TRAFD1: variants seen among roughly 807,000 people sequenced by gnomAD.
TRAFD1 encodes the protein TRAF-type zinc finger domain-containing protein 1.
In TRAFD1, 38 loss-of-function variants were observed where a neutral mutation model predicts 65.3. That is an observed-to-expected ratio of 0.58 (90% CI 0.45 to 0.76). TRAFD1 has a LOEUF of 0.76. TRAFD1 is among the 30% of genes least tolerant of loss of function. The pLI is 0.00. For synonymous variants in TRAFD1, 223 were observed against 257.2 expected (o/e 0.87, Z 1.27); for missense variants, 631 against 712.6 (o/e 0.89, Z 1.30).
chr12:112,145,704 G>T (rs756412254), intron 7 of TRAFD1, 42 bp downstream of exon 7: 1 of 1,586,608 alleles, frequency 6.3e-7, no homozygotes, highest in South Asian at 1.1e-5. Flanking sequence ...AGGATTGTAT[G>T]CAGGCCATAA....
chr12:112,126,489 C>G (rs1456236618), intron 1 of TRAFD1, among the ~76,000 whole-genome samples: 4 of 152,122 alleles, frequency 2.6e-5, no homozygotes. Flanking sequence ...GACCTTGACC[C>G]CCAGAGGGGG....
At position 112,137,460 on chromosome 12, in the gene TRAFD1, C is replaced by T. The variant is rs563047416; in HGVS notation, c.237+2394C>T. ...TTCCCATTCAGTAGGGAGCATCCCT[C>T]AGCCTTGATCTTCATTTCTTGGCTG... On this transcript the variant is annotated intron_variant, in intron 4 of 11. Coordinates refer to ENST00000412615, the MANE Select transcript of TRAFD1 (RefSeq NM_006700.3). This position sits in a 1 kb window ranked among gnomAD's most constrained non-coding sequence, Gnocchi z 4.2. Among the ~76,000 whole-genome samples the T allele has an allele frequency of 2.0e-5, 3 of 152,244 alleles. No homozygotes were observed. The South Asian group carries it at 6.2e-4, about 32-fold the overall frequency.
At chr12:112,149,705 G>C (rs776087648) in intron 8 of TRAFD1, 46 bp from the exon 9 acceptor site, 1 of 1,610,562 alleles carries the variant, frequency 6.2e-7, no homozygotes, top group Non-Finnish European at 8.5e-7. Context: ...CTCTTTTCTG[G>C]GAATGACTCA....
chr12:112,128,248 C>T (rs1593861706), intron 1 of TRAFD1, among the ~76,000 whole-genome samples: 1 of 152,076 alleles, frequency 6.6e-6, no homozygotes, highest in South Asian at 2.1e-4. Context: ...TCAAGTGATC[C>T]GCCCACCTCA....
intron 4 of TRAFD1, among the ~76,000 whole-genome samples, chr12:112,139,795 T>A (rs921177240): frequency 3.3e-5 from 5 of 152,110 alleles, no homozygotes; most frequent in African/African-American, 9.7e-5. Flanking sequence ...GGATGGGAGT[T>A]TGAGACCAAC....
intron 2 of TRAFD1, 119 bp from the exon 3 acceptor site, chr12:112,134,619 A>T: frequency 8.3e-7 from 1 of 1,205,110 alleles, no homozygotes; most frequent in Non-Finnish European, 1.2e-6. Flanking sequence ...GGTATTCACT[A>T]AAGATAAATA....
intron 4 of TRAFD1, among the ~76,000 whole-genome samples, chr12:112,135,734 A>G (rs1251815001): frequency 6.6e-6 from 1 of 152,052 alleles, no homozygotes; most frequent in African/African-American, 2.4e-5. Flanking sequence ...ACACCTGGAT[A>G]ACATGCTATT....
intron 8 of TRAFD1, 134 bp from the exon 9 acceptor site, chr12:112,149,617 G>A (rs2030346006): frequency 6.4e-6 from 8 of 1,243,374 alleles, no homozygotes; most frequent in Non-Finnish European, 8.9e-6. Context: ...TGTGGTTTCT[G>A]AAAGTTCCCA....
chr12:112,150,578 T>A (rs1294359230), intron 9 of TRAFD1, among the ~76,000 whole-genome samples: 2 of 151,822 alleles, frequency 1.3e-5, no homozygotes, highest in Non-Finnish European at 1.5e-5. Context: ...TTATTTTTTT[T>A]AGACAGGGTC....
chr12:112,153,024 C>T lies in TRAFD1; in HGVS notation c.*233C>T. 1 of 487,132 alleles carries T rather than the reference C, an allele frequency of 2.1e-6. No homozygotes were observed. Among genetic ancestry groups the T allele is most frequent in the Non-Finnish European group, 3.6e-6 (1 of 275,418 alleles). The allele number at this position is 487,132 out of a possible 1,614,324, so 30.2% of individuals were successfully genotyped here. ...TTCAGCCTTAGCTGCTACCTTTCGGCAGCAGTGAAATACAAGCTGCAGCCT... is the reference window on the plus strand; with the variant it reads ...TTCAGCCTTAGCTGCTACCTTTCGGTAGCAGTGAAATACAAGCTGCAGCCT... On this transcript the variant is annotated 3_prime_UTR_variant, in exon 12 of 12. Coordinates refer to ENST00000412615, the MANE Select transcript of TRAFD1 (RefSeq NM_006700.3).
In TRAFD1 at chr12:112,152,248, G is replaced by C; in HGVS notation, c.1619+108G>C. The C allele has an allele frequency of 7.1e-7, 1 of 1,415,158 alleles. No homozygotes were observed. The highest frequency in any genetic ancestry group is 9.6e-7 in the Non-Finnish European group (1 of 1,040,584). The allele number at this position is 1,415,158 out of a possible 1,614,324, so 87.7% of individuals were successfully genotyped here. A position where few individuals can be genotyped will look rare whatever the true frequency, so the allele number is the denominator to read the frequency against. ...GGGGTAAGACTGAGGTACTTGCATG[G>C]TAAGGGGAGGAGTATGGATTTTCCC... On this transcript the variant is annotated intron_variant, in intron 10 of 11. Transcript: ENST00000412615. This position sits in a 1 kb window ranked among gnomAD's most constrained non-coding sequence, Gnocchi z 5.0.
Position 112,152,452 on chromosome 12 carries a change from T to A in TRAFD1, c.1645T>A (p.Ser549Thr). Residue 549 changes from serine (S) to threonine (T), a missense_variant, in exon 11 of 12, where the codon TCC becomes ACC. Physicochemically the swap from Ser to Thr is moderately conservative, Grantham distance 58. Coordinates refer to ENST00000412615, the MANE Select transcript of TRAFD1 (RefSeq NM_006700.3). This position sits in a 1 kb window ranked among gnomAD's most constrained non-coding sequence, Gnocchi z 5.0. ...TGGTAGGAGTGAAGGTGGCAGGAAT[T>A]CCCGGGTCACCCCTGCAGCTGCCAA... Reference protein sequence around the residue: ...ASGRSEGGRNSRVTPAAANYR... With the variant: ...ASGRSEGGRNTRVTPAAANYR... The A allele has an allele frequency of 6.2e-7, 1 of 1,613,758 alleles. No homozygotes were observed. The highest frequency in any genetic ancestry group is 1.1e-5 in the South Asian group (1 of 91,084).
intron 2 of TRAFD1, among the ~76,000 whole-genome samples, 191 bp from the exon 3 acceptor site, chr12:112,134,547 C>T (rs192344940): frequency 3.9e-5 from 6 of 152,208 alleles, no homozygotes; most frequent in Non-Finnish European, 5.9e-5. Flanking sequence ...TGAGCCACCG[C>T]GCCTGGCCAG....
At chr12:112,142,001 A>G in intron 5 of TRAFD1, 88 bp from the exon 6 acceptor site, 1 of 1,457,234 alleles carries the variant, frequency 6.9e-7, no homozygotes, top group African/African-American at 1.4e-5. Context: ...ATGCCTGTAA[A>G]CCTTGACTAT....
Position 112,134,806 on chromosome 12 carries a change from G to A in TRAFD1, c.116G>A (p.Cys39Tyr), listed in dbSNP as rs779398070. 1 of 1,613,848 alleles carries A rather than the reference G, an allele frequency of 6.2e-7. No homozygotes were observed. Among genetic ancestry groups the A allele is most frequent in the South Asian group, 1.1e-5 (1 of 91,080 alleles). The change falls in exon 3 of 12, where the codon TGT (cysteine) becomes TAT (tyrosine). Residue 39 changes from cysteine (C) to tyrosine (Y), a missense_variant. Transcript: ENST00000412615. Reference sequence around the variant, plus strand: ...CACTGTCAAAGGAACATTGGTATGTGTCCTACCTGTAAGGAACCATTTCCC... The same window carrying A: ...CACTGTCAAAGGAACATTGGTATGTATCCTACCTGTAAGGAACCATTTCCC... ...EIHCQRNIGM[C>Y]PTCKEPFPKS...
chr12:112,142,084 T>G lies in TRAFD1; in HGVS notation c.644-5T>G. On this transcript the variant is annotated splice_region_variant and splice_polypyrimidine_tract_variant and intron_variant, in intron 5 of 11. Transcript: ENST00000412615. Reference sequence around the variant, plus strand: ...CCTGAATGTTGGTTGGTTTTTTTTTTTCAGTTGAAGAACAAGAGAGGCAGG... The same window carrying G: ...CCTGAATGTTGGTTGGTTTTTTTTTGTCAGTTGAAGAACAAGAGAGGCAGG... 6.2e-7 allele frequency: 1 copy of G among 1,612,088 alleles called. No individual in the cohort carries two copies. The highest frequency in any genetic ancestry group is 8.5e-7 in the Non-Finnish European group (1 of 1,178,738).
chr12:112,141,949 G>A lies in TRAFD1; in HGVS notation c.644-140G>A. On this transcript the variant is annotated intron_variant, in intron 5 of 11. Coordinates refer to ENST00000412615, the MANE Select transcript of TRAFD1 (RefSeq NM_006700.3). ...TTCAAAGCTAGGAGACCCAGAGGGT[G>A]AAGAGAGCTAGTTGAACATGGTCAT... The A allele has an allele frequency of 1.4e-5, 12 of 861,708 alleles. No individual in the cohort carries two copies. In the South Asian group the frequency reaches 2.1e-4, roughly 15 times the overall value. The allele number at this position is 861,708 out of a possible 1,614,324, so 53.4% of individuals were successfully genotyped here. A position where few individuals can be genotyped will look rare whatever the true frequency, so the allele number is the denominator to read the frequency against.
intron 6 of TRAFD1, among the ~76,000 whole-genome samples, chr12:112,143,482 C>T (rs887405886): frequency 6.6e-6 from 1 of 152,128 alleles, no homozygotes; most frequent in Non-Finnish European, 1.5e-5. Context: ...GCCTCAGCCT[C>T]CCAAAGTGCT....
intron 7 of TRAFD1, 118 bp from the exon 8 acceptor site, chr12:112,147,956 A>C (rs2030298806): frequency 5.4e-6 from 5 of 933,082 alleles, no homozygotes; most frequent in Non-Finnish European, 6.3e-6. Flanking sequence ...GGCGTGAGCC[A>C]CCGCGCCCGG....
Sources: allele counts gnomAD v4.1 joint callset (sites outside exome capture counted in the v4.1 genomes callset), GRCh38; gene constraint gnomAD v4.1.1; non-coding constraint Gnocchi (gnomAD v3.1); transcripts MANE v1.5; gene names NCBI Gene and HGNC (gene_info 2026-07-23, HGNC 2026-07-21).